Variants in ZNF395 observed in about 807,000 individuals in gnomAD.
ZNF395 encodes the protein HD gene regulatory region-binding protein 2.
Under a neutral mutation model 57.7 loss-of-function variants are expected in ZNF395, and 20 were observed. That is an observed-to-expected ratio of 0.35 (90% CI 0.24 to 0.50). The LOEUF (loss-of-function observed/expected upper bound fraction) is 0.50. Ranked by LOEUF, ZNF395 falls within the 20% of genes least tolerant of loss-of-function variation. ZNF395 has a pLI of 0.97. For missense variants in ZNF395, 606 were observed against 671.2 expected, an observed-to-expected ratio of 0.90 and a Z score of 1.07; for synonymous variants, 295 against 275.9, an observed-to-expected ratio of 1.07 and a Z score of -0.69.
At chr8:28,368,820 T>G (rs1429166138) in intron 1 of ZNF395, among the ~76,000 whole-genome samples, 1 of 152,140 alleles carries the variant, frequency 6.6e-6, no homozygotes, top group East Asian at 1.9e-4. Context: ...CACAGGAACA[T>G]GGACTCTACT....
chr8:28,349,062 G>T, intron 9 of ZNF395, 63 bp downstream of exon 9: 1 of 1,480,104 alleles, frequency 6.8e-7, no homozygotes. Context: ...TGGGGTCGGA[G>T]TCCACGCCAC....
chr8:28,380,066 T>G (rs1255861345), intron 1 of ZNF395, among the ~76,000 whole-genome samples: 1 of 152,188 alleles, frequency 6.6e-6, no homozygotes, highest in Non-Finnish European at 1.5e-5. Flanking sequence ...TTCATAACAT[T>G]CTATTTTAAA....
At chr8:28,364,483 T>C (rs879178974) in intron 1 of ZNF395, among the ~76,000 whole-genome samples, 6 of 152,008 alleles carry the variant, frequency 3.9e-5, no homozygotes, top group East Asian at 1.9e-4. Flanking sequence ...TGAAACCCTA[T>C]CTCTACTAAA....
At chr8:28,351,346 A>T in intron 7 of ZNF395, 149 bp downstream of exon 7, 1 of 790,416 alleles carries the variant, frequency 1.3e-6, no homozygotes, top group South Asian at 2.4e-5. Flanking sequence ...TGAGCAGTGA[A>T]TTCGGTTTCC....
chr8:28,386,198 G>C (rs1180594410), intron 1 of ZNF395, 195 bp downstream of exon 1: 1 of 149,462 alleles, frequency 6.7e-6, no homozygotes, highest in Non-Finnish European at 1.5e-5. Flanking sequence ...CCTCCTCCCC[G>C]GGACACTGCG....
chr8:28,349,933 G>A, intron 8 of ZNF395, 131 bp downstream of exon 8: 1 of 753,694 alleles, frequency 1.3e-6, no homozygotes, highest in South Asian at 2.2e-5. Flanking sequence ...ACACGTTTGG[G>A]GGCTGAAAGC....
chr8:28,348,969 C>G, intron 9 of ZNF395, 139 bp from the exon 10 acceptor site: 1 of 1,159,438 alleles, frequency 8.6e-7, no homozygotes, highest in Non-Finnish European at 1.3e-6. Context: ...GCCAGAGGCT[C>G]TGAGGACCAA....
chr8:28,350,462 C>T (rs1335687846), intron 7 of ZNF395, among the ~76,000 whole-genome samples: 2 of 152,188 alleles, frequency 1.3e-5, no homozygotes, highest in Admixed American at 6.5e-5. Context: ...GATCACCTAC[C>T]AAGAACATGC....
chr8:28,378,116 C>T (rs1188285449), intron 1 of ZNF395, among the ~76,000 whole-genome samples: 1 of 152,064 alleles, frequency 6.6e-6, no homozygotes, highest in African/African-American at 2.4e-5. Flanking sequence ...GGCCATTTCC[C>T]GGCCCCCCAC....
intron 1 of ZNF395, chr8:28,365,296 G>T (rs774529576): frequency 6.6e-6 from 1 of 152,228 alleles, no homozygotes; most frequent in South Asian, 2.1e-4. Context: ...TGGGCCGCCC[G>T]TGACTTTTCA....
intron 3 of ZNF395, among the ~76,000 whole-genome samples, chr8:28,357,716 C>A (rs1801797840): frequency 1.3e-5 from 2 of 152,172 alleles, no homozygotes; most frequent in Admixed American, 1.3e-4. Context: ...AAAATAAATT[C>A]TTTACCTGCA....
intron 1 of ZNF395, among the ~76,000 whole-genome samples, chr8:28,368,962 A>G (rs1490142018): frequency 6.6e-6 from 1 of 151,886 alleles, no homozygotes; most frequent in African/African-American, 2.4e-5. Flanking sequence ...CAGCCTCCCA[A>G]GTAGCTGGGA....
chr8:28,367,456 T>A (rs1193124897), intron 1 of ZNF395, among the ~76,000 whole-genome samples: 1 of 152,152 alleles, frequency 6.6e-6, no homozygotes, highest in Non-Finnish European at 1.5e-5. Flanking sequence ...CTCCAGCAAA[T>A]AATAAACGAT....
intron 1 of ZNF395, chr8:28,375,461 T>G (rs1029694409): frequency 6.6e-6 from 1 of 151,502 alleles, no homozygotes; most frequent in East Asian, 1.9e-4. Context: ...CTTATGGCAA[T>G]AGAAATCAGA....
At chr8:28,369,685 C>G (rs151039140) in intron 1 of ZNF395, among the ~76,000 whole-genome samples, 2 of 152,372 alleles carry the variant, frequency 1.3e-5, no homozygotes, top group East Asian at 1.9e-4. Context: ...AAGCCTCCCC[C>G]AGGTGGGGCC....
chr8:28,353,266 C>G lies in ZNF395; in HGVS notation c.726G>C (p.Leu242Phe), dbSNP rs1436842073. 1 of 1,583,044 alleles carries G rather than the reference C, an allele frequency of 6.3e-7. No individual in the cohort carries two copies. ...PPHPQASPKYLGDAFGSPQTD... is the reference protein window; with the variant it reads ...PPHPQASPKYFGDAFGSPQTD... ...TTTGGGGAGAACCAAAAGCATCCCCCAAATACTTGGGGCTGGCCTGGGGGT... is the reference window on the plus strand; with the variant it reads ...TTTGGGGAGAACCAAAAGCATCCCCGAAATACTTGGGGCTGGCCTGGGGGT... The change falls in exon 5 of 10, where the codon TTG becomes TTC. Residue 242 changes from leucine (L) to phenylalanine (F), a missense_variant. Around this residue, in one of 3 missense-constraint regions of ZNF395, gnomAD observed 309 missense variants for 374.7 expected, o/e 0.82. Transcript: ENST00000344423.
intron 1 of ZNF395, chr8:28,375,380 T>G (rs1293669858): frequency 1.4e-5 from 2 of 144,832 alleles, no homozygotes; most frequent in African/African-American, 5.2e-5. Flanking sequence ...AGTGCAAGAC[T>G]GTCTAAAAAA....
intron 8 of ZNF395, 87 bp from the exon 9 acceptor site, chr8:28,349,315 C>T: frequency 9.1e-7 from 1 of 1,098,908 alleles, no homozygotes. Context: ...CACCCGTCCC[C>T]AGCTCCTGGT....
chr8:28,377,376 C>G (rs1315726342), intron 1 of ZNF395, among the ~76,000 whole-genome samples: 1 of 152,128 alleles, frequency 6.6e-6, no homozygotes, highest in Non-Finnish European at 1.5e-5. Context: ...TGCATTCCAG[C>G]CTGGCAACAG....
Sources: gnomAD v4.1 joint callset for allele counts (sites outside exome capture counted in the v4.1 genomes callset) on GRCh38, gnomAD v4.1.1 for gene constraint, gnomAD v4.1.1 regional missense constraint, MANE v1.5 for transcripts, NCBI Gene and HGNC (gene_info 2026-07-23, HGNC 2026-07-21) for gene names.